TINAG: variants seen among roughly 807,000 people sequenced by gnomAD.
The protein encoded by TINAG is tubulointerstitial nephritis antigen.
In TINAG, 83 loss-of-function variants were observed where a neutral mutation model predicts 72.7. The observed-to-expected ratio is 1.14, with a 90% CI of 0.96 to 1.37. TINAG has a LOEUF of 1.37. TINAG is among the 40% of genes most tolerant of loss of function. The probability of loss-of-function intolerance (pLI) is 0.00; values close to 1 mark genes in which losing one functional copy is unlikely to be tolerated. For missense variants in TINAG, 685 were observed against 576.6 expected (o/e 1.19, Z -1.93); for synonymous variants, 234 against 189.9 (o/e 1.23, Z -1.91).
At chr6:54,361,984 A>C (rs1280281299) in intron 9 of TINAG, among the ~76,000 whole-genome samples, 1 of 151,646 alleles carries the variant, frequency 6.6e-6, no homozygotes, top group Non-Finnish European at 1.5e-5. Flanking sequence ...TAAGCTGCTG[A>C]AGAAAGGCTT....
chr6:54,314,137 G>C (rs931989965), intron 1 of TINAG, among the ~76,000 whole-genome samples: 1 of 152,118 alleles, frequency 6.6e-6, no homozygotes, highest in South Asian at 2.1e-4. Flanking sequence ...ATGGTTAAAT[G>C]TTTATTTGAT....
rs371322270 is a variant in TINAG, at chr6:54,349,802, G to A, written c.986G>A (p.Arg329Gln). ...GCCATGGCAAGCAGGTCTGATGGGC[G>A]AGGAAAACGGCATGCCACGAAGCCA... The part of the protein sequence containing the change: ...GCAMASRSDG[R>Q]GKRHATKPCP... The change falls in exon 7 of 11, where the codon CGA becomes CAA. Residue 329 changes from arginine (R) to glutamine (Q), a missense_variant. Physicochemically the swap from Arg to Gln is conservative, Grantham distance 43 (BLOSUM62 1). Transcript: ENST00000259782. The A allele has an allele frequency of 3.4e-5, 55 of 1,609,420 alleles. 1 individual carries two copies. The highest frequency in any genetic ancestry group is 1.6e-4 in the Middle Eastern group (1 of 6,064).
intron 1 of TINAG, among the ~76,000 whole-genome samples, chr6:54,314,045 T>C (rs988045579): frequency 6.6e-6 from 1 of 152,152 alleles, no homozygotes; most frequent in African/African-American, 2.4e-5. Flanking sequence ...GACTTAGGTA[T>C]GCGAAACAAT....
At chr6:54,311,387 C>T (rs1181304650) in intron 1 of TINAG, among the ~76,000 whole-genome samples, 1 of 152,154 alleles carries the variant, frequency 6.6e-6, no homozygotes, top group African/African-American at 2.4e-5. Context: ...TGCATGCCTT[C>T]TTACTGACTT....
chr6:54,370,458 A>G (rs1763569461), intron 9 of TINAG, among the ~76,000 whole-genome samples: 1 of 152,058 alleles, frequency 6.6e-6, no homozygotes, highest in Admixed American at 6.6e-5. Context: ...TATAATATGA[A>G]ATAGAAATTA....
chr6:54,380,814 G>A (rs569527940), intron 10 of TINAG, among the ~76,000 whole-genome samples: 3 of 151,546 alleles, frequency 2.0e-5, no homozygotes, highest in South Asian at 2.1e-4. Flanking sequence ...CCCAAGTTGA[G>A]AATCAAGAGG....
intron 3 of TINAG, among the ~76,000 whole-genome samples, chr6:54,326,553 A>G (rs2150940841): frequency 6.6e-6 from 1 of 152,190 alleles, no homozygotes; most frequent in African/African-American, 2.4e-5. Context: ...CCTTTGTGGG[A>G]TTATGTTCTT....
chr6:54,365,642 C>G (rs1188091787), intron 9 of TINAG: 1 of 151,478 alleles, frequency 6.6e-6, no homozygotes. Context: ...ATGGCTCCAC[C>G]CAAATGCAAA....
At chr6:54,310,506 C>A (rs540330785) in intron 1 of TINAG, among the ~76,000 whole-genome samples, 1 of 140,546 alleles carries the variant, frequency 7.1e-6, no homozygotes, top group African/African-American at 2.6e-5. Context: ...TTCTTTCTTT[C>A]TCTTTCTTTC....
chr6:54,377,977 T>A (rs1048982105), intron 9 of TINAG, among the ~76,000 whole-genome samples: 2 of 152,116 alleles, frequency 1.3e-5, no homozygotes, highest in African/African-American at 2.4e-5. Context: ...ATTTTTTTTT[T>A]ACAACATCCC....
intron 9 of TINAG, among the ~76,000 whole-genome samples, chr6:54,360,887 G>A (rs1419767856): frequency 1.8e-5 from 1 of 55,846 alleles, no homozygotes; most frequent in Non-Finnish European, 3.7e-5. Flanking sequence ...TTGAAAGTTT[G>A]TGGCAACCCT....
At chr6:54,332,143 A>G (rs950785676) in intron 4 of TINAG, among the ~76,000 whole-genome samples, 3 of 152,190 alleles carry the variant, frequency 2.0e-5, no homozygotes, top group Non-Finnish European at 4.4e-5. Context: ...GAATGAAAAG[A>G]GATCCCATAT....
intron 9 of TINAG, among the ~76,000 whole-genome samples, chr6:54,374,507 C>T (rs75866130): frequency 6.6e-6 from 1 of 152,098 alleles, no homozygotes; most frequent in Non-Finnish European, 1.5e-5. Flanking sequence ...TTCAATAACA[C>T]TTCATTTACT....
At chr6:54,350,911 G>A (rs1364608038) in intron 7 of TINAG, among the ~76,000 whole-genome samples, 1 of 151,508 alleles carries the variant, frequency 6.6e-6, no homozygotes, top group East Asian at 1.9e-4. Flanking sequence ...TGCTCAATAT[G>A]TACAGAAAAA....
intron 4 of TINAG, among the ~76,000 whole-genome samples, chr6:54,333,288 A>G (rs762224107): frequency 2.2e-4 from 33 of 152,214 alleles, no homozygotes; most frequent in Non-Finnish European, 4.3e-4. Context: ...CTATGCAGCC[A>G]TAAAAAGGAT....
At chr6:54,320,761 C>T in intron 2 of TINAG, 119 bp downstream of exon 2, 2 of 671,830 alleles carry the variant, frequency 3.0e-6, no homozygotes, top group Non-Finnish European at 4.8e-6. Flanking sequence ...AATCATACAT[C>T]ATAAGACATC....
At chr6:54,334,157 C>T (rs1784807874) in intron 4 of TINAG, among the ~76,000 whole-genome samples, 1 of 152,198 alleles carries the variant, frequency 6.6e-6, no homozygotes, top group African/African-American at 2.4e-5. Context: ...TCTCCAGGCA[C>T]ATAGACTTTC....
At chr6:54,317,611 G>T (rs916036438) in intron 1 of TINAG, among the ~76,000 whole-genome samples, 4 of 152,112 alleles carry the variant, frequency 2.6e-5, no homozygotes. Flanking sequence ...AAATTACTCA[G>T]TCTTGGGTAT....
intron 4 of TINAG, among the ~76,000 whole-genome samples, chr6:54,342,082 T>A (rs79185485): frequency 0.018 from 2,656 of 151,690 alleles, 74 homozygotes; most frequent in East Asian, 0.099. Flanking sequence ...TGTGTGTGTG[T>A]GAGAACACAT....
Sources: allele counts gnomAD v4.1 joint callset (sites outside exome capture counted in the v4.1 genomes callset), GRCh38; gene constraint gnomAD v4.1.1; transcripts MANE v1.5; gene names NCBI Gene and HGNC (gene_info 2026-07-23, HGNC 2026-07-21).